The following ARVCF variants were observed in gnomAD, a reference collection of about 807,000 sequenced individuals.
ARVCF encodes ARVCF delta catenin family member.
ARVCF carries 66 observed loss-of-function variants against 90.9 expected under a neutral mutation model. That is an observed-to-expected ratio of 0.73 (90% CI 0.60 to 0.89). The LOEUF is 0.89. Among genes scored for constraint, ARVCF ranks in the 40% least tolerant of loss-of-function variants. The pLI, the probability that ARVCF is intolerant of heterozygous loss-of-function variation, is 0.00. For synonymous variants in ARVCF, 653 were observed against 603.4 expected, an observed-to-expected ratio of 1.08 and a Z score of -1.21; for missense variants, 1,469 against 1,382.3, an observed-to-expected ratio of 1.06 and a Z score of -1.00.
intron 2 of ARVCF, among the ~76,000 whole-genome samples, chr22:20,007,337 G>A (rs1369122518): frequency 6.6e-6 from 1 of 152,254 alleles, no homozygotes; most frequent in Non-Finnish European, 1.5e-5. Flanking sequence ...GGGAGGTGAA[G>A]GTTGCAGTGA....
In ARVCF at chr22:20,016,640, C is replaced by A. The variant is rs113101099; in HGVS notation, c.-124G>T. ...AGCGCGGCCTCGGACCCCAGAAGGGCTTCCCCGGGTCCGTTGGCGCGCGGG... is the reference window on the plus strand; with the variant it reads ...AGCGCGGCCTCGGACCCCAGAAGGGATTCCCCGGGTCCGTTGGCGCGCGGG... On this transcript the variant is annotated 5_prime_UTR_variant, in exon 1 of 20. Coordinates refer to ENST00000263207, the MANE Select transcript of ARVCF (RefSeq NM_001670.3). The A allele has an allele frequency of 0.03, 4,546 of 151,484 alleles. 98 individuals are homozygous for A. Among genetic ancestry groups the A allele is most frequent in the South Asian group, 0.082 (394 of 4,816 alleles). 9.4% of individuals were successfully genotyped at this position (151,484 alleles called of 1,614,324 possible). A position where few individuals can be genotyped will look rare whatever the true frequency, so the allele number is the denominator to read the frequency against.
At chr22:19,996,305 T>G (rs1569183939) in intron 2 of ARVCF, among the ~76,000 whole-genome samples, 1 of 150,542 alleles carries the variant, frequency 6.6e-6, no homozygotes, top group Non-Finnish European at 1.5e-5. Flanking sequence ...TGAAACTTTC[T>G]GTATATCCAA....
chr22:19,981,030 C>T (rs567831438), intron 5 of ARVCF, 181 bp downstream of exon 5: 1 of 788,444 alleles, frequency 1.3e-6, no homozygotes. Context: ...CAGTGCCCAG[C>T]CGAACTCCTA....
intron 3 of ARVCF, among the ~76,000 whole-genome samples, chr22:19,985,411 G>A (rs1943712870): frequency 6.6e-6 from 1 of 152,216 alleles, no homozygotes; most frequent in Non-Finnish European, 1.5e-5. Flanking sequence ...GAGTGACCAG[G>A]GAGGTAGACC....
intron 2 of ARVCF, among the ~76,000 whole-genome samples, chr22:20,004,322 C>T (rs572839834): frequency 1.1e-3 from 171 of 152,098 alleles, no homozygotes; most frequent in African/African-American, 4.0e-3. Flanking sequence ...CAGTGCAATT[C>T]CTATTAAAAT....
chr22:19,967,444 C>T, downstream of ARVCF: 1 of 466,868 alleles, frequency 2.1e-6, no homozygotes, highest in South Asian at 1.6e-5. Flanking sequence ...GTGGTACTTC[C>T]TGCTCAACTC....
Position 19,973,803 on chromosome 22 carries a change from CG to C in ARVCF, c.2089-11del. On this transcript the variant is annotated splice_polypyrimidine_tract_variant and intron_variant, in intron 12 of 19. Coordinates refer to ENST00000263207, the MANE Select transcript of ARVCF (RefSeq NM_001670.3). The stretch of plus-strand genomic sequence containing the variant: ...GGATGTACGTGGCCCACTGCGGAGG[CG>C]GGGAGAGGGTTGCTCAGACATACAT... The C allele has an allele frequency of 6.3e-7, 1 of 1,599,770 alleles. No homozygotes were observed. The highest frequency in any genetic ancestry group is 8.5e-7 in the Non-Finnish European group (1 of 1,176,404).
chr22:19,988,276 A>T (rs2146366515), intron 3 of ARVCF, among the ~76,000 whole-genome samples: 1 of 152,270 alleles, frequency 6.6e-6, no homozygotes, highest in Non-Finnish European at 1.5e-5. Flanking sequence ...CTACCCTACC[A>T]CTGGCTGGAC....
At chr22:19,991,903 C>T (rs1437319413) in intron 2 of ARVCF, among the ~76,000 whole-genome samples, 2 of 152,232 alleles carry the variant, frequency 1.3e-5, no homozygotes, top group African/African-American at 2.4e-5. Context: ...TGCCCAGTCC[C>T]GCCAGCCCAC....
At chr22:19,997,898 G>A (rs557340967) in intron 2 of ARVCF, among the ~76,000 whole-genome samples, 35 of 152,366 alleles carry the variant, frequency 2.3e-4, no homozygotes, top group African/African-American at 8.2e-4. Context: ...GCAAGGTGCC[G>A]TGTGGCCCAT....
downstream of ARVCF, among the ~76,000 whole-genome samples, chr22:19,966,506 T>C (rs923175866): frequency 6.7e-6 from 1 of 149,700 alleles, no homozygotes; most frequent in African/African-American, 2.5e-5. Context: ...AGTGATGACA[T>C]CATAGCTCAC....
intron 2 of ARVCF, among the ~76,000 whole-genome samples, chr22:20,006,153 TAAA>T (rs922911221): frequency 1.3e-5 from 2 of 151,712 alleles, no homozygotes; most frequent in African/African-American, 4.8e-5. Flanking sequence ...TTTGCAAGAA[TAAA>T]AAAAAGTTCT....
In ARVCF at chr22:19,981,249, T is replaced by C; in HGVS notation, c.858A>G (p.Thr286=). ...CCCGCCCACACTCAGGCCTCCTCCT[T>C]GTGGCCGTGCCATAGTCAGGCTCCA... The part of the protein sequence containing the change: ...PELEPDYGTA[T]RRRPECGRGL... The change falls in exon 5 of 20, where the codon ACA becomes ACG. Residue 286 remains threonine, a synonymous_variant. Coordinates refer to ENST00000263207, the MANE Select transcript of ARVCF (RefSeq NM_001670.3). 1 of 1,559,192 alleles carries C rather than the reference T, an allele frequency of 6.4e-7. No individual in the cohort carries two copies. Among genetic ancestry groups the C allele is most frequent in the African/African-American group, 1.4e-5 (1 of 73,494 alleles).
At chr22:19,966,320 G>A (rs1381159276), downstream of ARVCF, among the ~76,000 whole-genome samples, 1 of 151,978 alleles carries the variant, frequency 6.6e-6, no homozygotes, top group East Asian at 1.9e-4. Context: ...GGGGTGAGGG[G>A]CTCAGGAGCA....
At chr22:20,000,337 GA>G (rs1348083459) in intron 2 of ARVCF, among the ~76,000 whole-genome samples, 1 of 152,228 alleles carries the variant, frequency 6.6e-6, no homozygotes, top group African/African-American at 2.4e-5. Flanking sequence ...CCTCTGCTGG[GA>G]GCCAGCTCCA....
intron 1 of ARVCF, among the ~76,000 whole-genome samples, chr22:20,015,302 G>A (rs1357857415): frequency 6.6e-6 from 1 of 152,182 alleles, no homozygotes; most frequent in African/African-American, 2.4e-5. Flanking sequence ...GGACAGCTGG[G>A]AGCAGACATT....
chr22:19,971,954 C>T lies in ARVCF; in HGVS notation c.2713G>A (p.Asp905Asn). ...CCCCGTGGCCTCCGCTCCCTCCGGT[C>T]CACCGTGGAGTATCCGTCTGTAGAT... ...ALGPDGYSTV[D>N]RRERRPRGAS... The change falls in exon 18 of 20, where the codon GAC becomes AAC. Residue 905 changes from aspartate (D) to asparagine (N), a missense_variant. Asp to Asn is a conservative substitution (Grantham distance 23). Coordinates refer to ENST00000263207, the MANE Select transcript of ARVCF (RefSeq NM_001670.3). 1 of 1,611,324 alleles carries T rather than the reference C, an allele frequency of 6.2e-7. No homozygotes were observed. The highest frequency in any genetic ancestry group is 1.1e-5 in the South Asian group (1 of 90,906).
At chr22:19,992,339 T>C (rs2146389850) in intron 2 of ARVCF, among the ~76,000 whole-genome samples, 1 of 152,224 alleles carries the variant, frequency 6.6e-6, no homozygotes, top group East Asian at 1.9e-4. Flanking sequence ...CAGGGAGAGC[T>C]GGGGGCCGCC....
rs1042965728 is a variant in ARVCF at position 19,970,064 on chromosome 22, C to T, written c.*692G>A. On this transcript the variant is annotated 3_prime_UTR_variant, in exon 20 of 20. Coordinates refer to ENST00000263207, the MANE Select transcript of ARVCF (RefSeq NM_001670.3). ...CCCAGCCACTGCCGAAGGTCAGTCC[C>T]GGAGGTGCTGCCCAGGCTCCAGGCA... 1.1e-5 allele frequency: 11 copies of T among 985,496 alleles called. No individual in the cohort carries two copies. The highest frequency in any genetic ancestry group is 9.4e-5 in the South Asian group (2 of 21,298). 61.0% of individuals were successfully genotyped at this position (985,496 alleles called of 1,614,324 possible).
Sources: gnomAD v4.1 joint callset for allele counts (sites outside exome capture counted in the v4.1 genomes callset) on GRCh38, gnomAD v4.1.1 for gene constraint, MANE v1.5 for transcripts, NCBI Gene and HGNC (gene_info 2026-07-23, HGNC 2026-07-21) for gene names.